Variants in MYO1D observed in about 807,000 individuals in gnomAD.
MYO1D encodes unconventional myosin-Id.
MYO1D carries 83 observed loss-of-function variants against 122.0 expected under a neutral mutation model. The observed-to-expected ratio is 0.68, with a 90% CI of 0.57 to 0.82. The LOEUF is 0.82. Ranked by LOEUF, MYO1D falls within the 40% of genes least tolerant of loss-of-function variation. The pLI is 0.00. For synonymous variants in MYO1D, 464 were observed against 446.9 expected, an observed-to-expected ratio of 1.04 and a Z score of -0.48; for missense variants, 1,157 against 1,269.5, an observed-to-expected ratio of 0.91 and a Z score of 1.35.
rs371549342 is a variant in MYO1D, at chr17:32,698,258, CCTTCCTTCCTT to C, written c.2121+13719_2121+13729del. ...TTTCTTTCTTTTCTCTTTTCTTTTT[CCTTCCTTCCTT>C]CTTCCTTCCTTCCTCCCTCCCTTCC... is the stretch of plus-strand genomic sequence containing the variant. On this transcript the variant is annotated intron_variant, in intron 16 of 21. Transcript: ENST00000318217. Among the ~76,000 whole-genome samples the C allele has an allele frequency of 2.5e-3, 380 of 150,816 alleles. 3 individuals carry two copies. Among genetic ancestry groups the C allele is most frequent in the African/African-American group, 7.3e-3 (298 of 40,998 alleles).
At chr17:32,593,489 G>T (rs1338257141) in intron 21 of MYO1D, among the ~76,000 whole-genome samples, 1 of 152,182 alleles carries the variant, frequency 6.6e-6, no homozygotes, top group Non-Finnish European at 1.5e-5. Flanking sequence ...TGCTCCACAG[G>T]ATTCTGGCAT....
intron 1 of MYO1D, among the ~76,000 whole-genome samples, chr17:32,855,493 G>A (rs1288184546): frequency 6.6e-6 from 1 of 152,216 alleles, no homozygotes. Flanking sequence ...TCATGCTGAT[G>A]TATGTAGCTG....
intron 15 of MYO1D, among the ~76,000 whole-genome samples, chr17:32,716,034 ATC>A (rs1444817686): frequency 6.6e-6 from 1 of 151,464 alleles, no homozygotes; most frequent in African/African-American, 2.4e-5. Flanking sequence ...TTCTGCATAC[ATC>A]AGTCAGAGTA....
chr17:32,831,298 T>C (rs2090769602), intron 1 of MYO1D, among the ~76,000 whole-genome samples: 1 of 152,172 alleles, frequency 6.6e-6, no homozygotes, highest in South Asian at 2.1e-4. Context: ...AGAAACAGCT[T>C]TTTGTTATTT....
chr17:32,594,401 G>T (rs1219731078), intron 21 of MYO1D: 2 of 421,454 alleles, frequency 4.7e-6, no homozygotes, highest in Non-Finnish European at 8.5e-6. Context: ...TTTTAATGTT[G>T]ATTTACATTT....
intron 16 of MYO1D, among the ~76,000 whole-genome samples, chr17:32,706,987 C>G (rs973784666): frequency 1.3e-5 from 2 of 152,058 alleles, no homozygotes; most frequent in Admixed American, 6.6e-5. Context: ...TGAGCCACTG[C>G]GCCCAGCCTC....
chr17:32,788,984 C>T (rs1488163993), intron 1 of MYO1D, among the ~76,000 whole-genome samples: 1 of 148,674 alleles, frequency 6.7e-6, no homozygotes, highest in Non-Finnish European at 1.5e-5. Flanking sequence ...AAGTATATTC[C>T]TAAGTTTTTT....
At chr17:32,720,790 C>A (rs2089500726) in intron 15 of MYO1D, among the ~76,000 whole-genome samples, 1 of 152,174 alleles carries the variant, frequency 6.6e-6, no homozygotes, top group Non-Finnish European at 1.5e-5. Context: ...TTCTGCTATG[C>A]TATGATGCCA....
intron 16 of MYO1D, among the ~76,000 whole-genome samples, chr17:32,686,964 A>AACACAC (rs57125657): frequency 0.017 from 2,480 of 145,454 alleles, 32 homozygotes; most frequent in African/African-American, 0.031. Context: ...CCTGTTTCAA[A>AACACAC]ACACACACAC....
Position 32,609,956 on chromosome 17 carries a change from T to G in MYO1D, c.2710-4715A>C, listed in dbSNP as rs560496033. ...TTTCATTTTAAAAAAACATTTTATGTCTATCACGCTTCACTCTCATTTCAT... is the reference window on the plus strand; with the variant it reads ...TTTCATTTTAAAAAAACATTTTATGGCTATCACGCTTCACTCTCATTTCAT... On this transcript the variant is annotated intron_variant, in intron 20 of 21. Coordinates refer to ENST00000318217, the MANE Select transcript of MYO1D (RefSeq NM_015194.3). 2.9e-4 allele frequency among the ~76,000 whole-genome samples: 44 copies of G among 152,302 alleles called. 1 individual carries two copies. The South Asian group carries it at 9.1e-3, about 32-fold the overall frequency.
At chr17:32,711,646 G>A (rs534338096) in intron 16 of MYO1D, among the ~76,000 whole-genome samples, 5,505 of 151,200 alleles carry the variant, frequency 0.036, 154 homozygotes, top group Non-Finnish European at 0.054. Context: ...ACTCCGTCTC[G>A]GGGGGGAAAA....
At chr17:32,804,962 G>A (rs1367470125) in intron 1 of MYO1D, among the ~76,000 whole-genome samples, 1 of 152,080 alleles carries the variant, frequency 6.6e-6, no homozygotes, top group African/African-American at 2.4e-5. Context: ...ATGTTACAAA[G>A]TGTCATATTT....
At chr17:32,866,898 C>T (rs994359346) in intron 1 of MYO1D, among the ~76,000 whole-genome samples, 1 of 152,206 alleles carries the variant, frequency 6.6e-6, no homozygotes, top group African/African-American at 2.4e-5. Context: ...GGTCTGCTGA[C>T]ATTCTACCTC....
chr17:32,710,510 T>C (rs1436521026), intron 16 of MYO1D, among the ~76,000 whole-genome samples: 1 of 152,146 alleles, frequency 6.6e-6, no homozygotes, highest in Non-Finnish European at 1.5e-5. Flanking sequence ...ATACAGAATA[T>C]CTTTGTGACT....
intron 16 of MYO1D, among the ~76,000 whole-genome samples, chr17:32,671,515 C>A (rs1355121841): frequency 6.6e-6 from 1 of 152,146 alleles, no homozygotes; most frequent in African/African-American, 2.4e-5. Context: ...AAAATTATTT[C>A]AAAATAAAAC....
chr17:32,752,240 A>G (rs2151011245), intron 11 of MYO1D, among the ~76,000 whole-genome samples: 1 of 152,320 alleles, frequency 6.6e-6, no homozygotes, highest in South Asian at 2.1e-4. Flanking sequence ...GCAGAATGAA[A>G]TTGGACCCCT....
intron 21 of MYO1D, among the ~76,000 whole-genome samples, chr17:32,560,369 C>G (rs1179342216): frequency 6.6e-6 from 1 of 151,060 alleles, no homozygotes; most frequent in Non-Finnish European, 1.5e-5. Context: ...GTAATTGATT[C>G]ATATGACTAT....
intron 21 of MYO1D, among the ~76,000 whole-genome samples, chr17:32,536,119 G>A (rs189950055): frequency 5.5e-4 from 84 of 152,030 alleles, no homozygotes; most frequent in African/African-American, 2.0e-3. Context: ...TGCAACCTCC[G>A]CCTCCTGGGT....
chr17:32,548,732 GA>G (rs2086986405), intron 21 of MYO1D, among the ~76,000 whole-genome samples: 1 of 93,704 alleles, frequency 1.1e-5, no homozygotes, highest in Non-Finnish European at 2.2e-5. Flanking sequence ...TTTTTTTTTT[GA>G]GATGGAGTCT....
Sources: allele counts gnomAD v4.1 joint callset (sites outside exome capture counted in the v4.1 genomes callset), GRCh38; gene constraint gnomAD v4.1.1; transcripts MANE v1.5; gene names NCBI Gene and HGNC (gene_info 2026-07-23, HGNC 2026-07-21).